The following AGBL1 variants were observed in gnomAD, a reference collection of about 807,000 sequenced individuals.
The protein encoded by AGBL1 is cytosolic carboxypeptidase 4.
Under a neutral mutation model 118.9 loss-of-function variants are expected in AGBL1, and 130 were observed. That is an observed-to-expected ratio of 1.09 (90% confidence interval 0.95 to 1.26). The LOEUF (loss-of-function observed/expected upper bound fraction) is 1.26. Among genes scored for constraint, AGBL1 ranks in the 50% most tolerant of loss-of-function variants. The pLI, the probability that AGBL1 is intolerant of heterozygous loss-of-function variation, is 0.00. For missense variants in AGBL1, 1,584 were observed against 1,298.1 expected (o/e 1.22, Z -3.38); for synonymous variants, 555 against 478.9 (o/e 1.16, Z -2.08).
At chr15:86,216,600 C>G (rs1022235521) in intron 5 of AGBL1, among the ~76,000 whole-genome samples, 1 of 152,192 alleles carries the variant, frequency 6.6e-6, no homozygotes, top group African/African-American at 2.4e-5. Flanking sequence ...ACCCTGCATT[C>G]CTGGACTAAA....
chr15:86,373,941 C>T (rs1380506698), intron 17 of AGBL1, among the ~76,000 whole-genome samples: 1 of 152,180 alleles, frequency 6.6e-6, no homozygotes, highest in Non-Finnish European at 1.5e-5. Flanking sequence ...GTAGCTATTA[C>T]TAACTGATAA....
intron 19 of AGBL1, 157 bp downstream of exon 19, chr15:86,523,096 C>T (rs1379872483): frequency 4.8e-6 from 4 of 836,816 alleles, no homozygotes; most frequent in Non-Finnish European, 7.7e-6. Flanking sequence ...TCCTGGGCTG[C>T]TGTACCAAAC....
intron 22 of AGBL1, among the ~76,000 whole-genome samples, chr15:86,876,508 T>C (rs2079810790): frequency 6.6e-6 from 1 of 152,162 alleles, no homozygotes. Flanking sequence ...AACAAGTTCC[T>C]CTTGGGATTG....
At chr15:86,628,112 T>A (rs1156915080) in intron 21 of AGBL1, among the ~76,000 whole-genome samples, 1 of 152,200 alleles carries the variant, frequency 6.6e-6, no homozygotes, top group African/African-American at 2.4e-5. Context: ...AGTGCAGTCC[T>A]TCCAGACCTT....
chr15:86,313,984 C>T (rs1346778454), intron 17 of AGBL1, among the ~76,000 whole-genome samples: 3 of 152,104 alleles, frequency 2.0e-5, no homozygotes, highest in Admixed American at 6.5e-5. Flanking sequence ...GATGATGAGC[C>T]CTACTAAATG....
chr15:87,004,657 G>A (rs1439592313), intron 24 of AGBL1, among the ~76,000 whole-genome samples: 3 of 152,148 alleles, frequency 2.0e-5, no homozygotes, highest in African/African-American at 7.2e-5. Flanking sequence ...GCCAGTCTGT[G>A]TCTTTCAATT....
chr15:86,723,473 G>A (rs1172863140), intron 22 of AGBL1, among the ~76,000 whole-genome samples: 1 of 152,134 alleles, frequency 6.6e-6, no homozygotes, highest in Non-Finnish European at 1.5e-5. Context: ...CATGGACACA[G>A]GAAGGGGAAC....
intron 22 of AGBL1, among the ~76,000 whole-genome samples, chr15:86,871,143 G>A (rs913979953): frequency 2.6e-5 from 4 of 152,282 alleles, no homozygotes; most frequent in East Asian, 1.9e-4. Flanking sequence ...CAGAAAAGCC[G>A]TTGTCATTTT....
At chr15:86,456,627 A>C (rs1489664593) in intron 18 of AGBL1, among the ~76,000 whole-genome samples, 2 of 152,208 alleles carry the variant, frequency 1.3e-5, no homozygotes, top group African/African-American at 2.4e-5. Context: ...AATAGTCCCC[A>C]AGGAGAATAA....
At chr15:86,582,101 C>T (rs1175962948) in intron 21 of AGBL1, among the ~76,000 whole-genome samples, 1 of 152,102 alleles carries the variant, frequency 6.6e-6, no homozygotes, top group Non-Finnish European at 1.5e-5. Flanking sequence ...GCAGGTAACA[C>T]CCCTGTAGTT....
At chr15:86,665,517 C>CATTT (rs1331067403) in intron 21 of AGBL1, among the ~76,000 whole-genome samples, 2 of 151,988 alleles carry the variant, frequency 1.3e-5, no homozygotes, top group African/African-American at 4.8e-5. Context: ...AGCAAATTAA[C>CATTT]ATTTTCTTCT....
intron 24 of AGBL1, among the ~76,000 whole-genome samples, chr15:86,998,241 C>T (rs1401296443): frequency 6.6e-6 from 1 of 152,124 alleles, no homozygotes; most frequent in Non-Finnish European, 1.5e-5. Context: ...TGACTGGATA[C>T]AAAAGACTGT....
chr15:86,604,821 G>A (rs2084550082), intron 21 of AGBL1, among the ~76,000 whole-genome samples: 1 of 128,206 alleles, frequency 7.8e-6, no homozygotes, highest in Non-Finnish European at 1.7e-5. Context: ...TTGAGATGGA[G>A]TTTTGCTCTT....
At chr15:86,804,825 A>G (rs2078695375) in intron 22 of AGBL1, among the ~76,000 whole-genome samples, 1 of 152,194 alleles carries the variant, frequency 6.6e-6, no homozygotes, top group Non-Finnish European at 1.5e-5. Flanking sequence ...TCTAAATACC[A>G]AAGTTTCTTT....
At chr15:86,282,896 T>G (rs1384183666) in intron 16 of AGBL1, among the ~76,000 whole-genome samples, 3 of 152,222 alleles carry the variant, frequency 2.0e-5, no homozygotes, top group Admixed American at 6.5e-5. Flanking sequence ...ACAGACATTT[T>G]TATAGCATAG....
chr15:86,330,028 G>A (rs550980617), intron 17 of AGBL1, among the ~76,000 whole-genome samples: 1 of 152,326 alleles, frequency 6.6e-6, no homozygotes, highest in South Asian at 2.1e-4. Context: ...TGGGTGCTTG[G>A]TGGCTGCTCG....
At chr15:86,822,660 A>T (rs1300865447) in intron 22 of AGBL1, among the ~76,000 whole-genome samples, 2 of 152,160 alleles carry the variant, frequency 1.3e-5, no homozygotes, top group Non-Finnish European at 2.9e-5. Context: ...GAAGCCAAAG[A>T]AAGAGGCTGA....
chr15:86,191,621 C>T lies in AGBL1; in HGVS notation c.488+32595C>T, dbSNP rs142615380. On this transcript the variant is annotated intron_variant, in intron 5 of 22. Transcript: ENST00000614907. ...GAATAGAAAGAGAGAGAATGCCAAC[C>T]GTTGTGAATGACAGAAAACTCTACC... Among the ~76,000 whole-genome samples the T allele has an allele frequency of 1.5e-3, 230 of 151,996 alleles. 1 individual carries two copies. The highest frequency in any genetic ancestry group is 6.8e-3 in the Admixed American group (104 of 15,264).
chr15:86,575,548 G>A (rs2084078586), intron 21 of AGBL1, among the ~76,000 whole-genome samples: 1 of 151,856 alleles, frequency 6.6e-6, no homozygotes, highest in Non-Finnish European at 1.5e-5. Context: ...AAAAGCTAAA[G>A]CACAAACTAG....
Sources: allele counts gnomAD v4.1 joint callset (sites outside exome capture counted in the v4.1 genomes callset), GRCh38; gene constraint gnomAD v4.1.1; transcripts MANE v1.5; gene names NCBI Gene and HGNC (gene_info 2026-07-23, HGNC 2026-07-21).